SLC26A7: variants seen among roughly 807,000 people sequenced by gnomAD.
SLC26A7 encodes the protein anion exchange transporter.
SLC26A7 carries 59 observed loss-of-function variants against 82.5 expected under a neutral mutation model. That is an observed-to-expected ratio of 0.72 (90% CI 0.58 to 0.89). The LOEUF (loss-of-function observed/expected upper bound fraction) is 0.89. SLC26A7 is among the 40% of genes least tolerant of loss of function. SLC26A7 has a pLI of 0.00. For missense variants in SLC26A7, 820 were observed against 793.0 expected, an observed-to-expected ratio of 1.03 and a Z score of -0.41; for synonymous variants, 271 against 274.3, an observed-to-expected ratio of 0.99 and a Z score of 0.12.
intron 9 of SLC26A7, among the ~76,000 whole-genome samples, chr8:91,350,591 A>G (rs1813687022): frequency 6.6e-6 from 1 of 152,110 alleles, no homozygotes; most frequent in Non-Finnish European, 1.5e-5. Context: ...AAAGTCATAT[A>G]TATGAAATCT....
intron 2 of SLC26A7, among the ~76,000 whole-genome samples, chr8:91,268,741 T>C (rs1307905125): frequency 1.3e-5 from 2 of 151,840 alleles, no homozygotes; most frequent in Non-Finnish European, 3.0e-5. Flanking sequence ...GTAGTTTCTT[T>C]TTTCCCTTTT....
intron 14 of SLC26A7, among the ~76,000 whole-genome samples, chr8:91,368,425 GT>G (rs1269729279): frequency 5.1e-4 from 46 of 90,622 alleles, no homozygotes; most frequent in Admixed American, 1.8e-3. Flanking sequence ...TTTTTTTTTT[GT>G]TTTTTTTTTT....
intron 2 of SLC26A7, among the ~76,000 whole-genome samples, chr8:91,244,108 T>C (rs1810510825): frequency 6.6e-6 from 1 of 152,202 alleles, no homozygotes; most frequent in Non-Finnish European, 1.5e-5. Flanking sequence ...CACAATTATG[T>C]AGTCCTTAGG....
Position 91,353,003 on chromosome 8 carries a change from A to G in SLC26A7, c.1314+7A>G. On this transcript the variant is annotated splice_region_variant and intron_variant, in intron 11 of 18. Transcript: ENST00000276609. ...TGTGGATAAAATCGATTGGGTAAGT[A>G]GAAATTTGACCTAAAACAATCCCTT... 1 of 1,592,414 alleles carries G rather than the reference A, an allele frequency of 6.3e-7. No homozygotes were observed. The highest frequency in any genetic ancestry group is 8.6e-7 in the Non-Finnish European group (1 of 1,165,920).
chr8:91,331,144 T>A (rs1813068487), intron 5 of SLC26A7, among the ~76,000 whole-genome samples: 1 of 152,084 alleles, frequency 6.6e-6, no homozygotes, highest in Non-Finnish European at 1.5e-5. Context: ...AATCACCTCT[T>A]TAAAGGCCCT....
At position 91,295,534 on chromosome 8, in the gene SLC26A7, C is replaced by T. The variant is rs759290343; in HGVS notation, c.308C>T (p.Thr103Ile). ...FGMGHHVATG[T>I]FALTSLISAN... The stretch of plus-strand genomic sequence containing the variant: ...TCCCCACACCACTTGGTTTCAGGCA[C>T]CTTTGCCTTGACATCCTTAATATCA... The change falls in exon 4 of 19, where the codon ACC becomes ATC. Residue 103 changes from threonine (T) to isoleucine (I), a missense_variant. Transcript: ENST00000276609. The T allele has an allele frequency of 6.2e-6, 10 of 1,611,448 alleles. No individual in the cohort carries two copies. In the Admixed American group the frequency reaches 8.4e-5, roughly 13 times the overall value.
intron 2 of SLC26A7, among the ~76,000 whole-genome samples, chr8:91,271,643 G>T (rs1811273507): frequency 7.0e-6 from 1 of 142,098 alleles, no homozygotes; most frequent in African/African-American, 2.7e-5. Context: ...CGCCCAGGCT[G>T]GAATGCAGTG....
Position 91,302,664 on chromosome 8 carries a change from A to G in SLC26A7, c.477+6961A>G, listed in dbSNP as rs183035361. On this transcript the variant is annotated intron_variant, in intron 4 of 18. Coordinates refer to ENST00000276609, the MANE Select transcript of SLC26A7 (RefSeq NM_052832.4). ...TCATGAACCCATCATCAAGACAATA[A>G]AAATATCTGTAATTTCACAAAATTT... 2.6e-5 allele frequency among the ~76,000 whole-genome samples: 4 copies of G among 152,240 alleles called. No individual in the cohort carries two copies. The East Asian group carries it at 7.7e-4, about 29-fold the overall frequency.
intron 11 of SLC26A7, among the ~76,000 whole-genome samples, chr8:91,358,589 C>T (rs1032722588): frequency 6.6e-6 from 1 of 152,022 alleles, no homozygotes; most frequent in African/African-American, 2.4e-5. Context: ...CTTGGCCTCC[C>T]AAAGTGCTGG....
intron 2 of SLC26A7, among the ~76,000 whole-genome samples, chr8:91,225,643 GTTTTTTTTTTT>G (rs55732709): frequency 2.2e-4 from 8 of 36,120 alleles, no homozygotes; most frequent in African/African-American, 6.1e-4. Flanking sequence ...CTAGAAAAGT[GTTTTTTTTTTT>G]TTTTTTTTTT....
Position 91,289,277 on chromosome 8 carries a change from T to C in SLC26A7, c.304+31T>C, listed in dbSNP as rs375395378. 3 of 1,524,874 alleles carry C rather than the reference T, an allele frequency of 2.0e-6. No homozygotes were observed. In the African/African-American group the frequency reaches 4.1e-5, roughly 21 times the overall value. 94.5% of individuals were successfully genotyped at this position (1,524,874 alleles called of 1,614,324 possible). A position where few individuals can be genotyped will look rare whatever the true frequency, so the allele number is the denominator to read the frequency against. On this transcript the variant is annotated intron_variant, in intron 3 of 18. Coordinates refer to ENST00000276609, the MANE Select transcript of SLC26A7 (RefSeq NM_052832.4). ...AATTCCTATGTTTATGCTTCTAATG[T>C]TACTCGCAAAAAAGACTTAGTGATT... is the stretch of plus-strand genomic sequence containing the variant.
intron 5 of SLC26A7, among the ~76,000 whole-genome samples, chr8:91,319,432 TTC>T (rs1197617988): frequency 6.6e-6 from 1 of 152,246 alleles, no homozygotes; most frequent in Non-Finnish European, 1.5e-5. Context: ...CTAAGTGTGT[TTC>T]TCTGATTAGT....
At chr8:91,368,919 C>T (rs1239737772) in intron 14 of SLC26A7, among the ~76,000 whole-genome samples, 1 of 152,146 alleles carries the variant, frequency 6.6e-6, no homozygotes, top group Non-Finnish European at 1.5e-5. Context: ...TAGCTGATAA[C>T]TGTAAGTCAG....
chr8:91,370,181 T>TC (rs1814315814), intron 15 of SLC26A7, among the ~76,000 whole-genome samples: 1 of 113,636 alleles, frequency 8.8e-6, no homozygotes, highest in Non-Finnish European at 1.8e-5. Flanking sequence ...TTTCCTTCTT[T>TC]TTTTTTCTAT....
chr8:91,270,363 C>G (rs1327450168), intron 2 of SLC26A7, among the ~76,000 whole-genome samples: 1 of 152,176 alleles, frequency 6.6e-6, no homozygotes, highest in Non-Finnish European at 1.5e-5. Flanking sequence ...GCCGTTGTTT[C>G]CTGGTCTGGG....
At chr8:91,340,353 A>G (rs2130840370) in intron 7 of SLC26A7, 51 bp from the exon 8 acceptor site, 3 of 1,589,256 alleles carry the variant, frequency 1.9e-6, no homozygotes, top group Non-Finnish European at 2.6e-6. Flanking sequence ...GCAAGTTGTT[A>G]CAGAAATTAC....
chr8:91,317,974 TAAAC>T (rs1265611248), intron 4 of SLC26A7, among the ~76,000 whole-genome samples: 11 of 140,572 alleles, frequency 7.8e-5, no homozygotes, highest in East Asian at 2.0e-4. Context: ...AAAATAAAAA[TAAAC>T]AAAAAAAATA....
intron 5 of SLC26A7, among the ~76,000 whole-genome samples, chr8:91,328,838 C>T (rs981562333): frequency 6.6e-6 from 1 of 152,020 alleles, no homozygotes; most frequent in Non-Finnish European, 1.5e-5. Context: ...AGAAGCAGTA[C>T]ATGTGCTGTG....
chr8:91,276,743 C>A (rs922033897), intron 2 of SLC26A7, among the ~76,000 whole-genome samples: 1 of 152,182 alleles, frequency 6.6e-6, no homozygotes, highest in African/African-American at 2.4e-5. Flanking sequence ...CCAGCAATCT[C>A]AGACAAAGCC....
Sources: allele counts gnomAD v4.1 joint callset (sites outside exome capture counted in the v4.1 genomes callset), GRCh38; gene constraint gnomAD v4.1.1; transcripts MANE v1.5; gene names NCBI Gene and HGNC (gene_info 2026-07-23, HGNC 2026-07-21).